Variants in GUCY1A2 observed in about 807,000 individuals in gnomAD.
GUCY1A2 encodes the protein guanylate cyclase 1 soluble subunit alpha 2.
Under a neutral mutation model 63.5 loss-of-function variants are expected in GUCY1A2, and 27 were observed. The observed-to-expected ratio is 0.43, with a 90% CI of 0.31 to 0.59. The LOEUF is 0.59. GUCY1A2 is among the 20% of genes least tolerant of loss of function. The pLI is 0.11. For synonymous variants in GUCY1A2, 364 were observed against 343.5 expected, an observed-to-expected ratio of 1.06 and a Z score of -0.66; for missense variants, 768 against 913.3, an observed-to-expected ratio of 0.84 and a Z score of 2.05.
At chr11:106,905,920 T>C (rs1860198636) in intron 4 of GUCY1A2, among the ~76,000 whole-genome samples, 1 of 152,096 alleles carries the variant, frequency 6.6e-6, no homozygotes, top group African/African-American at 2.4e-5. Context: ...AACACTTGCT[T>C]ACACCTTATA....
At chr11:106,745,335 AAAAT>A (rs1445770716) in intron 6 of GUCY1A2, among the ~76,000 whole-genome samples, 1 of 152,240 alleles carries the variant, frequency 6.6e-6, no homozygotes, top group South Asian at 2.1e-4. Context: ...TCTCTCTTAA[AAAAT>A]AAATGAGAAG....
At chr11:106,841,897 T>C (rs1454675595) in intron 4 of GUCY1A2, among the ~76,000 whole-genome samples, 1 of 151,900 alleles carries the variant, frequency 6.6e-6, no homozygotes, top group East Asian at 1.9e-4. Flanking sequence ...AATCCAACTA[T>C]TTATCATGTT....
rs1473961467 is a variant in GUCY1A2, at chr11:106,676,410, C to T, written c.*11139G>A. ...TTTTTTTTTGTATTTAATAAAATGGCAATTTGTAAATTCTGGTGAATACTC... is the reference window on the plus strand; with the variant it reads ...TTTTTTTTTGTATTTAATAAAATGGTAATTTGTAAATTCTGGTGAATACTC... On this transcript the variant is annotated 3_prime_UTR_variant, in exon 8 of 8. Coordinates refer to ENST00000526355, the MANE Select transcript of GUCY1A2 (RefSeq NM_000855.3). 5.4e-6 allele frequency: 1 copy of T among 185,364 alleles called. No individual in the cohort carries two copies. The highest frequency in any genetic ancestry group is 8.7e-5 in the East Asian group (1 of 11,530). 11.5% of individuals were successfully genotyped at this position (185,364 alleles called of 1,614,324 possible).
chr11:106,723,496 A>C (rs372319863), intron 6 of GUCY1A2, among the ~76,000 whole-genome samples: 3 of 152,332 alleles, frequency 2.0e-5, no homozygotes, highest in East Asian at 1.9e-4. Context: ...AGCACCCACC[A>C]GAACCTTCCT....
At chr11:106,773,887 T>C (rs1270089571) in intron 6 of GUCY1A2, among the ~76,000 whole-genome samples, 1 of 152,200 alleles carries the variant, frequency 6.6e-6, no homozygotes, top group Non-Finnish European at 1.5e-5. Context: ...ACTTTTATTT[T>C]ATGATTTGCA....
intron 2 of GUCY1A2, among the ~76,000 whole-genome samples, chr11:106,982,106 TG>T (rs1861344419): frequency 6.6e-6 from 1 of 152,168 alleles, no homozygotes; most frequent in African/African-American, 2.4e-5. Flanking sequence ...ATGAGAAAAC[TG>T]AGGCTCAGGT....
chr11:106,846,437 T>C (rs1247159275), intron 4 of GUCY1A2, among the ~76,000 whole-genome samples: 3 of 151,704 alleles, frequency 2.0e-5, no homozygotes, highest in African/African-American at 7.2e-5. Context: ...AAATCTAGAT[T>C]TTAGACTAAA....
chr11:106,831,285 C>T (rs1321582327), intron 4 of GUCY1A2, among the ~76,000 whole-genome samples: 10 of 152,164 alleles, frequency 6.6e-5, no homozygotes, highest in Admixed American at 6.5e-4. Flanking sequence ...TCTTTCTAGA[C>T]ATTCCCGTGA....
At chr11:106,730,912 C>T (rs1214984668) in intron 6 of GUCY1A2, among the ~76,000 whole-genome samples, 1 of 151,980 alleles carries the variant, frequency 6.6e-6, no homozygotes, top group Admixed American at 6.6e-5. Flanking sequence ...ATGTGTATGT[C>T]TTCTTTTGAA....
chr11:106,787,500 G>A (rs2135409919), intron 5 of GUCY1A2, among the ~76,000 whole-genome samples: 1 of 50,506 alleles, frequency 2.0e-5, no homozygotes, highest in African/African-American at 7.7e-5. Context: ...TAGCATAAAA[G>A]CAGCAAGAAA....
chr11:106,923,760 C>T (rs1029063868), intron 4 of GUCY1A2, among the ~76,000 whole-genome samples: 4 of 151,832 alleles, frequency 2.6e-5, no homozygotes, highest in African/African-American at 9.7e-5. Flanking sequence ...GATGAGGAGA[C>T]AGAACAGGTT....
chr11:106,762,363 CTAAA>C (rs1393105671), intron 6 of GUCY1A2, among the ~76,000 whole-genome samples: 1 of 152,072 alleles, frequency 6.6e-6, no homozygotes, highest in Non-Finnish European at 1.5e-5. Context: ...ACTGCCACAA[CTAAA>C]TAAAGTTCTC....
intron 6 of GUCY1A2, among the ~76,000 whole-genome samples, chr11:106,725,382 C>T (rs1382956868): frequency 2.1e-5 from 1 of 47,334 alleles, no homozygotes. Context: ...CCGTTTTAGC[C>T]GGGATGGTCT....
At chr11:106,784,263 T>A (rs1008504012) in intron 5 of GUCY1A2, among the ~76,000 whole-genome samples, 6 of 152,228 alleles carry the variant, frequency 3.9e-5, no homozygotes, top group Admixed American at 1.3e-4. Context: ...ATTGCCTGAG[T>A]CCCGGTGCCA....
intron 7 of GUCY1A2, among the ~76,000 whole-genome samples, chr11:106,692,642 AAC>A: frequency 6.6e-6 from 1 of 152,236 alleles, no homozygotes; most frequent in South Asian, 2.1e-4. Flanking sequence ...TTTAACACAA[AAC>A]ACAGAATTTT....
chr11:106,795,535 C>T (rs989726398), intron 5 of GUCY1A2, among the ~76,000 whole-genome samples: 1 of 152,168 alleles, frequency 6.6e-6, no homozygotes, highest in African/African-American at 2.4e-5. Context: ...AACACATGTG[C>T]ACCTATGCAT....
At chr11:106,973,971 A>C (rs1861229763) in intron 3 of GUCY1A2, among the ~76,000 whole-genome samples, 1 of 152,084 alleles carries the variant, frequency 6.6e-6, no homozygotes, top group Non-Finnish European at 1.5e-5. Flanking sequence ...TCCATTTTGC[A>C]AATAAGAAAT....
At chr11:106,691,920 A>C (rs531812699) in intron 7 of GUCY1A2, among the ~76,000 whole-genome samples, 7 of 152,324 alleles carry the variant, frequency 4.6e-5, no homozygotes, top group East Asian at 3.9e-4. Context: ...GTTGACTTCC[A>C]ATAGGACAAT....
rs560984348 is a variant in GUCY1A2, at chr11:106,676,899, A to G, written c.*10650T>C. Reference sequence around the variant, plus strand: ...AACAGATTGACCCTGATACTTCTTGAAAAAGTGTTTAAATTCAATGAAAAT... The same window carrying G: ...AACAGATTGACCCTGATACTTCTTGGAAAAGTGTTTAAATTCAATGAAAAT... On this transcript the variant is annotated 3_prime_UTR_variant, in exon 8 of 8. Transcript: ENST00000526355. 4 of 205,878 alleles carry G rather than the reference A, an allele frequency of 1.9e-5. No homozygotes were observed. In the South Asian group the frequency reaches 7.6e-4, roughly 39 times the overall value. 12.8% of individuals were successfully genotyped at this position (205,878 alleles called of 1,614,324 possible). A position where few individuals can be genotyped will look rare whatever the true frequency, so the allele number is the denominator to read the frequency against.
Sources: allele counts gnomAD v4.1 joint callset (sites outside exome capture counted in the v4.1 genomes callset), GRCh38; gene constraint gnomAD v4.1.1; transcripts MANE v1.5; gene names NCBI Gene and HGNC (gene_info 2026-07-23, HGNC 2026-07-21).